NCS1: variants seen among roughly 807,000 people sequenced by gnomAD.
NCS1 encodes neuronal calcium sensor 1.
A neutral mutation model predicts 28.4 loss-of-function variants in NCS1; 6 were observed. The observed-to-expected ratio is 0.21, with a 90% CI of 0.12 to 0.42. NCS1 has a LOEUF of 0.42. Among genes scored for constraint, NCS1 ranks in the 10% least tolerant of loss-of-function variants. NCS1 has a pLI of 1.00. For synonymous variants in NCS1, 86 were observed against 99.3 expected (o/e 0.87, Z 0.79); for missense variants, 131 against 241.4 (o/e 0.54, Z 3.03).
intron 7 of NCS1, among the ~76,000 whole-genome samples, chr9:130,230,946 CTCTAGTTGCTAT>C (rs1833493573): frequency 6.6e-6 from 1 of 152,140 alleles, no homozygotes; most frequent in South Asian, 2.1e-4. Context: ...ATCCTCTGAT[CTCTAGTTGCTAT>C]TCTAGTTTCC....
chr9:130,195,439 T>G (rs1832865627), intron 1 of NCS1, among the ~76,000 whole-genome samples: 1 of 151,822 alleles, frequency 6.6e-6, no homozygotes, highest in African/African-American at 2.4e-5. Context: ...GGCTTTGTTT[T>G]TTTTTTTTTT....
In NCS1 at chr9:130,234,432, C is replaced by A. The variant is rs1833550171; in HGVS notation, c.*1460C>A. 2 of 152,282 alleles carry A rather than the reference C, an allele frequency of 1.3e-5. No individual in the cohort carries two copies. Among genetic ancestry groups the A allele is most frequent in the Admixed American group, 6.5e-5 (1 of 15,292 alleles). 9.4% of individuals were successfully genotyped at this position (152,282 alleles called of 1,614,324 possible). A position where few individuals can be genotyped will look rare whatever the true frequency, so the allele number is the denominator to read the frequency against. On this transcript the variant is annotated 3_prime_UTR_variant, in exon 8 of 8. Transcript: ENST00000372398. The surrounding 1 kb of genome is among the most constrained non-coding windows in gnomAD (Gnocchi z 6.1). ...ACCAGGAATGCGAGGCCACCCTGGACCAGAGGTAGGAGCCCAAGGTCCGGC... is the reference window on the plus strand; with the variant it reads ...ACCAGGAATGCGAGGCCACCCTGGAACAGAGGTAGGAGCCCAAGGTCCGGC...
At chr9:130,176,194 C>CTTTCTTTCTTTCTTTCTTTTT (rs1554904576) in intron 1 of NCS1, among the ~76,000 whole-genome samples, 1 of 50,138 alleles carries the variant, frequency 2.0e-5, no homozygotes. Flanking sequence ...TTCTTTCTTT[C>CTTTCTTTCTTTCTTTCTTTTT]TTTTTTTTTT....
chr9:130,200,524 C>T, intron 1 of NCS1: 1 of 1,542,084 alleles, frequency 6.5e-7, no homozygotes, highest in Non-Finnish European at 8.8e-7. Flanking sequence ...CTCCCCCCAC[C>T]CCCCCACATA....
chr9:130,183,306 T>TTGG (rs1554905323), intron 1 of NCS1, among the ~76,000 whole-genome samples: 1 of 141,950 alleles, frequency 7.0e-6, no homozygotes, highest in African/African-American at 2.6e-5. Context: ...ACCATGCGGC[T>TTGG]GGGGGGGGGA....
In NCS1 at chr9:130,186,229, C is replaced by T. The variant is rs561128032; in HGVS notation, c.64+13502C>T. On this transcript the variant is annotated intron_variant, in intron 1 of 7. Coordinates refer to ENST00000372398, the MANE Select transcript of NCS1 (RefSeq NM_014286.4). This position sits in a 1 kb window ranked among gnomAD's most constrained non-coding sequence, Gnocchi z 4.1. ...CAGGCTGGCTGGCTGGATTTCTGGCCCTGCTGGCATTCACAGTTTGGCGGG... is the reference window on the plus strand; with the variant it reads ...CAGGCTGGCTGGCTGGATTTCTGGCTCTGCTGGCATTCACAGTTTGGCGGG... Among the ~76,000 whole-genome samples, 2 of 152,192 alleles carry T rather than the reference C, an allele frequency of 1.3e-5. No homozygotes were observed. Among genetic ancestry groups the T allele is most frequent in the South Asian group, 4.1e-4 (2 of 4,834 alleles).
In NCS1 at chr9:130,232,786, A is replaced by C. The variant is rs1261672063; in HGVS notation, c.*18-204A>C. Among the ~76,000 whole-genome samples, 1 of 150,568 alleles carries C rather than the reference A, an allele frequency of 6.6e-6. No homozygotes were observed. The highest frequency in any genetic ancestry group is 1.5e-5 in the Non-Finnish European group (1 of 67,586). On this transcript the variant is annotated intron_variant, in intron 7 of 7. Coordinates refer to ENST00000372398, the MANE Select transcript of NCS1 (RefSeq NM_014286.4). This position sits in a 1 kb window ranked among gnomAD's most constrained non-coding sequence, Gnocchi z 4.4. ...AGGTGACAGAGCAAGACTCCAACTC[A>C]AAAAAAAGCAAACAAAAAAAAACCA...
At chr9:130,212,978 C>A (rs1554908935) in intron 2 of NCS1, among the ~76,000 whole-genome samples, 4 of 152,030 alleles carry the variant, frequency 2.6e-5, no homozygotes, top group South Asian at 2.1e-4. Flanking sequence ...AGGTTCAGAC[C>A]CCCCCATCCC....
At chr9:130,200,505 T>G in intron 1 of NCS1, 1 of 1,485,578 alleles carries the variant, frequency 6.7e-7, no homozygotes, top group Non-Finnish European at 9.2e-7. Flanking sequence ...CTGCCCCTTT[T>G]CAGCCTAGCT....
chr9:130,221,441 G>GAGAGAGAGAGAGAGAA (rs1833299909), intron 4 of NCS1, among the ~76,000 whole-genome samples: 2 of 135,408 alleles, frequency 1.5e-5, no homozygotes, highest in Admixed American at 7.9e-5. Flanking sequence ...GAGAGAGAGA[G>GAGAGAGAGAGAGAGAA]AGAGAGAGAG....
rs1003440133 is a variant in NCS1 at position 130,226,622 on chromosome 9, C to T, written c.*17+118C>T. On this transcript the variant is annotated intron_variant, in intron 7 of 7. Coordinates refer to ENST00000372398, the MANE Select transcript of NCS1 (RefSeq NM_014286.4). This position sits in a 1 kb window ranked among gnomAD's most constrained non-coding sequence, Gnocchi z 4.8. Reference sequence around the variant, plus strand: ...GGGTCTCTGGGGGTGTTGTGGTCAGCCTAGCAGGGACATAGCTGGGAGGAG... The same window carrying T: ...GGGTCTCTGGGGGTGTTGTGGTCAGTCTAGCAGGGACATAGCTGGGAGGAG... The T allele has an allele frequency of 2.3e-5, 17 of 749,046 alleles. No homozygotes were observed. In the African/African-American group the frequency reaches 3.0e-4, roughly 13 times the overall value. The allele number at this position is 749,046 out of a possible 1,614,324, so 46.4% of individuals were successfully genotyped here.
At chr9:130,190,066 A>AGAGAGAGAGAGAGAGAGAG in intron 1 of NCS1, among the ~76,000 whole-genome samples, 1 of 84,454 alleles carries the variant, frequency 1.2e-5, no homozygotes. Flanking sequence ...GAGAGAGAGA[A>AGAGAGAGAGAGAGAGAGAG]TATATGTGGT....
chr9:130,191,011 G>A lies in NCS1; in HGVS notation c.65-9947G>A, dbSNP rs1832809622. Among the ~76,000 whole-genome samples, 1 of 152,190 alleles carries A rather than the reference G, an allele frequency of 6.6e-6. No individual in the cohort carries two copies. The highest frequency in any genetic ancestry group is 2.4e-5 in the African/African-American group (1 of 41,456). On this transcript the variant is annotated intron_variant, in intron 1 of 7. Transcript: ENST00000372398. This position sits in a 1 kb window ranked among gnomAD's most constrained non-coding sequence, Gnocchi z 6.4. ...CTTCCCATCTTGGTGTCTGCCCCAA[G>A]GCCTGGCCCTCTGACTTTTATTCAG...
rs1832836239 is a variant in NCS1 at position 130,192,961 on chromosome 9, CTG to C, written c.65-7996_65-7995del. Among the ~76,000 whole-genome samples the C allele has an allele frequency of 6.6e-6, 1 of 152,248 alleles. No individual in the cohort carries two copies. Among genetic ancestry groups the C allele is most frequent in the African/African-American group, 2.4e-5 (1 of 41,466 alleles). On this transcript the variant is annotated intron_variant, in intron 1 of 7. Coordinates refer to ENST00000372398, the MANE Select transcript of NCS1 (RefSeq NM_014286.4). This position sits in a 1 kb window ranked among gnomAD's most constrained non-coding sequence, Gnocchi z 4.8. The stretch of plus-strand genomic sequence containing the variant: ...ACAGATGGGGAAACCGAAACCCAAA[CTG>C]GGGAAAAAACCGGTCACACAGCAAC...
intron 1 of NCS1, among the ~76,000 whole-genome samples, chr9:130,188,567 A>G (rs1222838052): frequency 1.3e-5 from 2 of 150,726 alleles, no homozygotes; most frequent in Non-Finnish European, 2.9e-5. Context: ...ATGTGCCACC[A>G]TGACCTAATT....
At chr9:130,208,139 G>A (rs1833053159) in intron 2 of NCS1, among the ~76,000 whole-genome samples, 1 of 147,786 alleles carries the variant, frequency 6.8e-6, no homozygotes. Flanking sequence ...CACCGTCATC[G>A]GGCACCAGTC....
intron 6 of NCS1, among the ~76,000 whole-genome samples, chr9:130,225,711 G>A (rs934526612): frequency 1.3e-5 from 2 of 152,252 alleles, no homozygotes; most frequent in East Asian, 1.9e-4. Context: ...GGCATATGTC[G>A]TGTACGCAGC....
At chr9:130,201,652 AG>A (rs1281379093) in intron 2 of NCS1, among the ~76,000 whole-genome samples, 1 of 152,044 alleles carries the variant, frequency 6.6e-6, no homozygotes, top group Non-Finnish European at 1.5e-5. Flanking sequence ...TAGGGACATG[AG>A]GCAATGAGCT....
At chr9:130,213,445 A>C (rs1554909004) in intron 2 of NCS1, among the ~76,000 whole-genome samples, 1 of 150,814 alleles carries the variant, frequency 6.6e-6, no homozygotes, top group Non-Finnish European at 1.5e-5. Flanking sequence ...CGCCCGGCTA[A>C]TTTTTTTGTA....
Sources: gnomAD v4.1 joint callset for allele counts (sites outside exome capture counted in the v4.1 genomes callset) on GRCh38, gnomAD v4.1.1 for gene constraint, Gnocchi (gnomAD v3.1) non-coding constraint, MANE v1.5 for transcripts, NCBI Gene and HGNC (gene_info 2026-07-23, HGNC 2026-07-21) for gene names.